CEBPZ: variants seen among roughly 807,000 people sequenced by gnomAD.
CEBPZ encodes CCAAT enhancer binding protein zeta.
Under a neutral mutation model 104.5 loss-of-function variants are expected in CEBPZ, and 78 were observed. The observed-to-expected ratio is 0.75, with a 90% CI of 0.62 to 0.90. The LOEUF (loss-of-function observed/expected upper bound fraction) is 0.90, where lower values mean the gene tolerates loss of function less well. Among genes scored for constraint, CEBPZ ranks in the 40% least tolerant of loss-of-function variants. The pLI, the probability that CEBPZ is intolerant of heterozygous loss-of-function variation, is 0.00. For missense variants in CEBPZ, 1,439 were observed against 1,233.5 expected, an observed-to-expected ratio of 1.17 and a Z score of -2.50; for synonymous variants, 470 against 427.0, an observed-to-expected ratio of 1.10 and a Z score of -1.24.
rs56340587 is a variant in CEBPZ at position 37,202,644 on chromosome 2, CAAAAAAAAAAAAAAAAAAAAAAAAAAAA to C, written c.3025+112_3025+139del. The C allele has an allele frequency of 3.0e-3, 616 of 207,376 alleles. 3 individuals are homozygous for C. Among genetic ancestry groups the C allele is most frequent in the Middle Eastern group, 0.012 (8 of 662 alleles). 12.8% of individuals were successfully genotyped at this position (207,376 alleles called of 1,614,324 possible). ...TGGGCAAGGGAGTGAGACGCTGTCT[CAAAAAAAAAAAAAAAAAAAAAAAAAAAA>C]AAAAAAAAAAAAAAAAAAAAGAATA... On this transcript the variant is annotated intron_variant, in intron 15 of 15. Coordinates refer to ENST00000234170, the MANE Select transcript of CEBPZ (RefSeq NM_005760.3).
intron 13 of CEBPZ, among the ~76,000 whole-genome samples, chr2:37,205,519 C>CTA (rs1677506319): frequency 6.6e-6 from 1 of 152,302 alleles, no homozygotes; most frequent in East Asian, 1.9e-4. Flanking sequence ...GGCCCCACCC[C>CTA]TATCTCCCTT....
At chr2:37,230,673 G>T (rs1665046692) in intron 1 of CEBPZ, among the ~76,000 whole-genome samples, 1 of 151,978 alleles carries the variant, frequency 6.6e-6, no homozygotes. Flanking sequence ...CTGACCCCTC[G>T]GCCCTCCTTT....
chr2:37,203,020 T>TGTAA lies in CEBPZ; in HGVS notation c.2885-16_2885-13dup. ...CTTTTTTCTTGGCCCTAAAAAAAAT[T>TGTAA]GTAAGTCTACATTATTCAATTATAA... On this transcript the variant is annotated splice_polypyrimidine_tract_variant and intron_variant, in intron 13 of 15. Transcript: ENST00000234170. The TGTAA allele has an allele frequency of 1.3e-6, 2 of 1,509,750 alleles. No individual in the cohort carries two copies. The highest frequency in any genetic ancestry group is 1.8e-6 in the Non-Finnish European group (2 of 1,120,076). The allele number at this position is 1,509,750 out of a possible 1,614,324, so 93.5% of individuals were successfully genotyped here.
Position 37,228,368 on chromosome 2 carries a change from CT to C in CEBPZ, c.824del (p.Lys275ArgfsTer30). The C allele has an allele frequency of 6.2e-7, 1 of 1,614,168 alleles. No homozygotes were observed. The highest frequency in any genetic ancestry group is 8.5e-7 in the Non-Finnish European group (1 of 1,180,044). ...FVETLVNLVK[K>X]KGSKQQCLMA... ...TAAGGCACTGCTGTTTGCTGCCCTT[CT>C]TTTTAACAAGGTTCACAAGAGTTTC... On this transcript the variant is annotated frameshift_variant, in exon 2 of 16. Coordinates refer to ENST00000234170, the MANE Select transcript of CEBPZ (RefSeq NM_005760.3). LOFTEE classifies it high-confidence loss of function.
chr2:37,211,977 C>G lies in CEBPZ; in HGVS notation c.2666G>C (p.Ser889Thr). The G allele has an allele frequency of 6.2e-7, 1 of 1,613,310 alleles. No homozygotes were observed. The highest frequency in any genetic ancestry group is 8.5e-7 in the Non-Finnish European group (1 of 1,179,760). ...DNTLDEDSEG[S>T]DDELGNLDDD... ...ATCCAGGTTACCAAGTTCATCATCA[C>G]TACCTTCTGAATCTTCATCTAATGT... Residue 889 changes from serine to threonine, a missense_variant, in exon 12 of 16, where the codon AGT becomes ACT. By Grantham distance (58) the Ser-to-Thr change is moderately conservative. Coordinates refer to ENST00000234170, the MANE Select transcript of CEBPZ (RefSeq NM_005760.3).
In CEBPZ at chr2:37,214,968, T is replaced by G. The variant is rs1351621437; in HGVS notation, c.2381-16A>C. 1 of 1,546,740 alleles carries G rather than the reference T, an allele frequency of 6.5e-7. No individual in the cohort carries two copies. Among genetic ancestry groups the G allele is most frequent in the Non-Finnish European group, 8.9e-7 (1 of 1,119,964 alleles). Reference sequence around the variant, plus strand: ...TTACTGTTCACTACAAAAATAAATTTAAACATTTTAACTTCATATAGCAAT... The same window carrying G: ...TTACTGTTCACTACAAAAATAAATTGAAACATTTTAACTTCATATAGCAAT... On this transcript the variant is annotated splice_polypyrimidine_tract_variant and intron_variant, in intron 8 of 15. Transcript: ENST00000234170.
rs1239198563 is a variant in CEBPZ, at chr2:37,231,460, G to C, written c.108C>G (p.Ala36=). 9.3e-6 allele frequency: 15 copies of C among 1,614,074 alleles called. No individual in the cohort carries two copies. Among genetic ancestry groups the C allele is most frequent in the African/African-American group, 1.3e-5 (1 of 74,930 alleles). Residue 36 remains alanine (A), a synonymous_variant, in exon 1 of 16, where the codon GCC becomes GCG. Coordinates refer to ENST00000234170, the MANE Select transcript of CEBPZ (RefSeq NM_005760.3). ...CTTCCTCCAGGGAGAACCCATTCTC[G>C]GCTTCACTAGTATTATCCTCATCCT... The part of the protein sequence containing the change: ...DEEDEDNTSE[A]ENGFSLEEVL...
rs1198224532 is a variant in CEBPZ, at chr2:37,212,377, T to C, written c.2561A>G (p.Asp854Gly). Residue 854 changes from aspartate to glycine, a missense_variant, in exon 11 of 16, where the codon GAT (aspartate) becomes GGT (glycine). Physicochemically the swap from Asp to Gly is moderately conservative, Grantham distance 94 (BLOSUM62 -1). Transcript: ENST00000234170. The stretch of plus-strand genomic sequence containing the variant: ...ATCCTTTCCAGAGCTGAAACAGTTA[T>C]CATCTTCAAATGTGTCTGCCAGACA... ...FEELIDTFEDDNCFSSGKDDM... is the reference protein window; with the variant it reads ...FEELIDTFEDGNCFSSGKDDM... 3.7e-6 allele frequency: 6 copies of C among 1,613,376 alleles called. No individual in the cohort carries two copies. The highest frequency in any genetic ancestry group is 1.7e-5 in the Admixed American group (1 of 59,994).
chr2:37,213,604 G>A (rs1440128817), intron 10 of CEBPZ: 4 of 296,366 alleles, frequency 1.3e-5, no homozygotes, highest in Non-Finnish European at 2.5e-5. Flanking sequence ...AGTAGAGACA[G>A]GGTTTCACCA....
At chr2:37,220,514 T>C in intron 4 of CEBPZ, 41 bp from the exon 5 acceptor site, 1 of 1,088,430 alleles carries the variant, frequency 9.2e-7, no homozygotes, top group African/African-American at 1.6e-5. Flanking sequence ...AAATGCTTTC[T>C]TCCTAGCCCA....
intron 1 of CEBPZ, 42 bp downstream of exon 1, chr2:37,231,368 ACT>A: frequency 1.2e-6 from 2 of 1,611,416 alleles, no homozygotes; most frequent in Non-Finnish European, 1.7e-6. Flanking sequence ...CACCTTCGGA[ACT>A]CTCCACGCCT....
Position 37,227,586 on chromosome 2 carries a change from G to T in CEBPZ, c.1607C>A (p.Ser536Tyr). The T allele has an allele frequency of 1.2e-6, 2 of 1,613,698 alleles. No individual in the cohort carries two copies. The highest frequency in any genetic ancestry group is 2.2e-5 in the East Asian group (1 of 44,876). The change falls in exon 2 of 16, where the codon TCT becomes TAT. Residue 536 changes from serine to tyrosine, a missense_variant. By Grantham distance (144) the Ser-to-Tyr change is moderately radical (BLOSUM62 -2). Coordinates refer to ENST00000234170, the MANE Select transcript of CEBPZ (RefSeq NM_005760.3). ...ATATCGATCCGATATTGTCTGCTGAGAATTCATTACTTGGAAAAGCAACAT... is the reference window on the plus strand; with the variant it reads ...ATATCGATCCGATATTGTCTGCTGATAATTCATTACTTGGAAAAGCAACAT... ...ALMLLFQVMN[S>Y]QQTISDRYYT...
At chr2:37,226,233 G>T (rs1043536308) in intron 2 of CEBPZ, among the ~76,000 whole-genome samples, 2 of 151,194 alleles carry the variant, frequency 1.3e-5, no homozygotes, top group Non-Finnish European at 2.9e-5. Flanking sequence ...CAAATCTCTC[G>T]TCCCACCTTA....
chr2:37,213,824 G>T, intron 10 of CEBPZ, 40 bp downstream of exon 10: 1 of 1,332,578 alleles, frequency 7.5e-7, no homozygotes. Context: ...TTAACACATA[G>T]TAGTAGATTA....
chr2:37,218,590 A>T (rs759477150), intron 5 of CEBPZ, among the ~76,000 whole-genome samples: 2 of 152,178 alleles, frequency 1.3e-5, no homozygotes, highest in Non-Finnish European at 2.9e-5. Context: ...ACTTTGAATC[A>T]ATCATTTATT....
intron 1 of CEBPZ, 99 bp downstream of exon 1, chr2:37,231,313 C>T (rs1367556515): frequency 5.2e-6 from 8 of 1,537,438 alleles, no homozygotes; most frequent in African/African-American, 2.7e-5. Flanking sequence ...GTCCTGGACG[C>T]CCGCGCTCTA....
At chr2:37,225,180 C>T (rs1267772013) in intron 2 of CEBPZ, among the ~76,000 whole-genome samples, 1 of 152,196 alleles carries the variant, frequency 6.6e-6, no homozygotes, top group East Asian at 1.9e-4. Flanking sequence ...TGTGGAAAGG[C>T]TTCTGAGTCT....
rs74601904 is a variant in CEBPZ, at chr2:37,217,218, G to A, written c.2155-181C>T. On this transcript the variant is annotated intron_variant, in intron 5 of 15. Coordinates refer to ENST00000234170, the MANE Select transcript of CEBPZ (RefSeq NM_005760.3). The stretch of plus-strand genomic sequence containing the variant: ...TTGAGACTGGCCTGGGCAATATGGC[G>A]AAACCCCATGTCTACAAAAAGTACA... Among the ~76,000 whole-genome samples the A allele has an allele frequency of 4.7e-3, 718 of 152,044 alleles. 2 individuals are homozygous for A. Among genetic ancestry groups the A allele is most frequent in the Non-Finnish European group, 6.9e-3 (466 of 67,988 alleles).
intron 1 of CEBPZ, 21 bp downstream of exon 1, chr2:37,231,391 C>G (rs778436469): frequency 2.5e-6 from 4 of 1,613,464 alleles, no homozygotes; most frequent in Non-Finnish European, 3.4e-6. Context: ...GATCCCGTTC[C>G]CCGGAGCCCG....
Sources: allele counts gnomAD v4.1 joint callset (sites outside exome capture counted in the v4.1 genomes callset), GRCh38; gene constraint gnomAD v4.1.1; transcripts MANE v1.5; gene names NCBI Gene and HGNC (gene_info 2026-07-23, HGNC 2026-07-21).